ATOX1: variants seen among roughly 807,000 people sequenced by gnomAD.
ATOX1 encodes copper transport protein ATOX1.
ATOX1 carries 4 observed loss-of-function variants against 7.3 expected under a neutral mutation model. That is an observed-to-expected ratio of 0.55 (90% confidence interval 0.27 to 1.25). The LOEUF is 1.25. Among genes scored for constraint, ATOX1 ranks in the 50% most tolerant of loss-of-function variants. The pLI is 0.12. For missense variants in ATOX1, 68 were observed against 81.6 expected (o/e 0.83, Z 0.64); for synonymous variants, 25 against 28.7 (o/e 0.87, Z 0.41).
At chr5:151,748,609 C>A (rs1761906770) in intron 2 of ATOX1, among the ~76,000 whole-genome samples, 1 of 152,196 alleles carries the variant, frequency 6.6e-6, no homozygotes, top group African/African-American at 2.4e-5. Flanking sequence ...TGTCTGTAAT[C>A]CCAGCACTTT....
At chr5:151,747,063 T>C (rs779880359) in intron 2 of ATOX1, among the ~76,000 whole-genome samples, 1 of 148,320 alleles carries the variant, frequency 6.7e-6, no homozygotes, top group Non-Finnish European at 1.5e-5. Flanking sequence ...AAAAGTAATA[T>C]AGACACTTTT....
At chr5:151,747,903 A>C (rs551606461) in intron 2 of ATOX1, among the ~76,000 whole-genome samples, 1 of 152,080 alleles carries the variant, frequency 6.6e-6, no homozygotes, top group Non-Finnish European at 1.5e-5. Context: ...TCTTTTTTTA[A>C]AAGCTACAAT....
At chr5:151,757,551 TG>T (rs1762033490) in intron 1 of ATOX1, among the ~76,000 whole-genome samples, 1 of 152,216 alleles carries the variant, frequency 6.6e-6, no homozygotes, top group South Asian at 2.1e-4. Context: ...AAAGACAGGA[TG>T]CAAAGACACA....
chr5:151,756,869 T>C (rs1001759683), intron 1 of ATOX1, among the ~76,000 whole-genome samples: 1 of 152,242 alleles, frequency 6.6e-6, no homozygotes, highest in Non-Finnish European at 1.5e-5. Flanking sequence ...TGACATATTT[T>C]ACTGGCATTT....
rs1280235376 is a variant in ATOX1, at chr5:151,758,564, G to C, written c.-13C>G. ...CACTCACCGGCATGACTGAGGCAGC[G>C]GCGGTGTGGCGGCGGTGTGGCGGCG... On this transcript the variant is annotated 5_prime_UTR_variant, in exon 1 of 4. Transcript: ENST00000313115. 1 of 1,416,210 alleles carries C rather than the reference G, an allele frequency of 7.1e-7. No individual in the cohort carries two copies. Among genetic ancestry groups the C allele is most frequent in the Non-Finnish European group, 9.3e-7 (1 of 1,078,924 alleles). 87.7% of individuals were successfully genotyped at this position (1,416,210 alleles called of 1,614,324 possible).
At chr5:151,748,211 A>G (rs1052835664) in intron 2 of ATOX1, among the ~76,000 whole-genome samples, 3 of 152,190 alleles carry the variant, frequency 2.0e-5, no homozygotes, top group Admixed American at 6.5e-5. Context: ...TTACTCTGAC[A>G]AAAGAGTGCA....
At chr5:151,748,615 A>G (rs777020342) in intron 2 of ATOX1, among the ~76,000 whole-genome samples, 8 of 152,138 alleles carry the variant, frequency 5.3e-5, no homozygotes, top group Non-Finnish European at 1.2e-4. Flanking sequence ...TAATCCCAGC[A>G]CTTTGGGAGG....
At chr5:151,750,509 C>G (rs1265434044) in intron 2 of ATOX1, among the ~76,000 whole-genome samples, 3 of 102,078 alleles carry the variant, frequency 2.9e-5, no homozygotes, top group Non-Finnish European at 3.9e-5. Flanking sequence ...GACTTCATCT[C>G]AAAAAAAAAA....
chr5:151,748,898 C>T (rs1761910130), intron 2 of ATOX1, among the ~76,000 whole-genome samples: 1 of 151,630 alleles, frequency 6.6e-6, no homozygotes, highest in African/African-American at 2.4e-5. Context: ...TATGGTTTCC[C>T]AGCCTGCATA....
intron 1 of ATOX1, among the ~76,000 whole-genome samples, chr5:151,755,219 T>G (rs542948500): frequency 2.6e-5 from 4 of 152,248 alleles, no homozygotes; most frequent in African/African-American, 9.6e-5. Flanking sequence ...GAGCCAAAGC[T>G]TTGAAGGGTT....
chr5:151,755,733 G>A (rs1323073919), intron 1 of ATOX1, among the ~76,000 whole-genome samples: 1 of 152,130 alleles, frequency 6.6e-6, no homozygotes, highest in East Asian at 1.9e-4. Flanking sequence ...AAATAAATTT[G>A]AGGGTGATGG....
At chr5:151,756,543 G>C (rs1257927818) in intron 1 of ATOX1, among the ~76,000 whole-genome samples, 3 of 151,048 alleles carry the variant, frequency 2.0e-5, no homozygotes, top group Non-Finnish European at 4.4e-5. Flanking sequence ...CACGATCACG[G>C]CTCACTGCAG....
chr5:151,756,482 T>C (rs2113188154), intron 1 of ATOX1, among the ~76,000 whole-genome samples: 1 of 151,810 alleles, frequency 6.6e-6, no homozygotes, highest in African/African-American at 2.4e-5. Context: ...TTTTTTTTCT[T>C]TTGAGACAGG....
intron 2 of ATOX1, among the ~76,000 whole-genome samples, chr5:151,749,938 T>C (rs944640994): frequency 5.3e-5 from 8 of 152,202 alleles, no homozygotes; most frequent in African/African-American, 1.9e-4. Context: ...GACATCCCCA[T>C]TCCAAAGATG....
At chr5:151,750,887 A>G (rs1021376504) in intron 2 of ATOX1, among the ~76,000 whole-genome samples, 6 of 151,862 alleles carry the variant, frequency 4.0e-5, no homozygotes, top group African/African-American at 1.5e-4. Flanking sequence ...TCCTGAGCTC[A>G]GGCAATCTGC....
At chr5:151,743,729 G>C (rs2113173544) in intron 3 of ATOX1, 1 of 152,284 alleles carries the variant, frequency 6.6e-6, no homozygotes. Flanking sequence ...GTGTGCATTA[G>C]GGCTCCCCCA....
Position 151,758,539 on chromosome 5 carries a change from C to T in ATOX1, c.6+7G>A, listed in dbSNP as rs200236697. On this transcript the variant is annotated splice_region_variant and intron_variant, in intron 1 of 3. Coordinates refer to ENST00000313115, the MANE Select transcript of ATOX1 (RefSeq NM_004045.4). ...GTCTGCGTGGCGGGGACGGCGCAAC[C>T]ACTCACCGGCATGACTGAGGCAGCG... 2 of 1,458,842 alleles carry T rather than the reference C, an allele frequency of 1.4e-6. No homozygotes were observed. The highest frequency in any genetic ancestry group is 2.7e-5 in the East Asian group (1 of 36,612). 90.4% of individuals were successfully genotyped at this position (1,458,842 alleles called of 1,614,324 possible).
intron 2 of ATOX1, among the ~76,000 whole-genome samples, chr5:151,747,677 C>T (rs1414239619): frequency 6.6e-6 from 1 of 152,038 alleles, no homozygotes; most frequent in East Asian, 1.9e-4. Flanking sequence ...GCCTGACTCC[C>T]GGGTTCAAGC....
At chr5:151,756,711 T>C (rs1041414518) in intron 1 of ATOX1, among the ~76,000 whole-genome samples, 3 of 152,106 alleles carry the variant, frequency 2.0e-5, no homozygotes, top group Non-Finnish European at 4.4e-5. Context: ...TGCATTAAAG[T>C]GATCTGCCCG....
Sources: gnomAD v4.1 joint callset for allele counts (sites outside exome capture counted in the v4.1 genomes callset) on GRCh38, gnomAD v4.1.1 for gene constraint, MANE v1.5 for transcripts, NCBI Gene and HGNC (gene_info 2026-07-23, HGNC 2026-07-21) for gene names.